CSNK1G3: variants seen among roughly 807,000 people sequenced by gnomAD.
The protein encoded by CSNK1G3 is casein kinase I isoform gamma-3.
CSNK1G3 carries 23 observed loss-of-function variants against 64.3 expected under a neutral mutation model. The ratio of observed to expected loss-of-function variants is 0.36; its 90% confidence interval spans 0.26 to 0.51. CSNK1G3 has a LOEUF of 0.51. Among genes scored for constraint, CSNK1G3 ranks in the 20% least tolerant of loss-of-function variants. CSNK1G3 has a pLI of 0.96. For synonymous variants in CSNK1G3, 158 were observed against 162.2 expected, an observed-to-expected ratio of 0.97 and a Z score of 0.20; for missense variants, 357 against 510.5, an observed-to-expected ratio of 0.70 and a Z score of 2.90.
chr5:123,515,921 C>G (rs1469111767), intron 1 of CSNK1G3, among the ~76,000 whole-genome samples: 1 of 152,070 alleles, frequency 6.6e-6, no homozygotes, highest in Non-Finnish European at 1.5e-5. Context: ...TTTTTGAGAG[C>G]AGGAAACAGT....
At chr5:123,568,927 A>C (rs1002346385) in intron 4 of CSNK1G3, among the ~76,000 whole-genome samples, 1 of 152,258 alleles carries the variant, frequency 6.6e-6, no homozygotes. Context: ...GCAAAAATAC[A>C]TAAAAAGAGA....
At chr5:123,516,862 A>G (rs1777257719) in intron 1 of CSNK1G3, among the ~76,000 whole-genome samples, 1 of 152,184 alleles carries the variant, frequency 6.6e-6, no homozygotes, top group Admixed American at 6.5e-5. Context: ...TTGAAGTTGT[A>G]TTCAAATTTA....
intron 11 of CSNK1G3, 74 bp downstream of exon 12, chr5:123,604,904 A>C: frequency 8.4e-7 from 1 of 1,186,410 alleles, no homozygotes; most frequent in Non-Finnish European, 1.2e-6. Flanking sequence ...ATAGTTACAT[A>C]CAATTATTTC....
chr5:123,528,216 A>G (rs957988541), intron 1 of CSNK1G3, among the ~76,000 whole-genome samples: 4 of 152,122 alleles, frequency 2.6e-5, no homozygotes, highest in Non-Finnish European at 5.9e-5. Context: ...TTTGTTTTGA[A>G]GAGTTGAAAT....
exon 2 of CSNK1G3, chr5:123,545,561 C>T: frequency 2.4e-6 from 2 of 822,278 alleles, no homozygotes; most frequent in Non-Finnish European, 3.7e-6. Context: ...TTAACATTAC[C>T]CATCTGGTAC....
intron 10 of CSNK1G3, 89 bp from the exon 11 acceptor site, chr5:123,594,950 C>A: frequency 2.9e-6 from 3 of 1,034,990 alleles, no homozygotes; most frequent in Non-Finnish European, 4.3e-6. Flanking sequence ...TCCTTTTATA[C>A]GTTTGTTTTA....
At chr5:123,605,807 C>T (rs1795272717) in intron 12 of CSNK1G3, among the ~76,000 whole-genome samples, 1 of 151,910 alleles carries the variant, frequency 6.6e-6, no homozygotes, top group Non-Finnish European at 1.5e-5. Flanking sequence ...TTATCATTGC[C>T]CTTGAGTACA....
intron 4 of CSNK1G3, among the ~76,000 whole-genome samples, chr5:123,572,240 G>A (rs1199440774): frequency 6.6e-6 from 1 of 152,032 alleles, no homozygotes; most frequent in Non-Finnish European, 1.5e-5. Flanking sequence ...CTGTTTGTCA[G>A]GGTTTTAATA....
At chr5:123,573,349 T>A in intron 4 of CSNK1G3, 44 bp from the exon 5 acceptor site, 1 of 1,585,462 alleles carries the variant, frequency 6.3e-7, no homozygotes, top group Non-Finnish European at 8.7e-7. Context: ...AACCTTAGTA[T>A]TTAAGATGAT....
At chr5:123,525,950 A>G (rs994267183) in intron 1 of CSNK1G3, among the ~76,000 whole-genome samples, 5 of 150,880 alleles carry the variant, frequency 3.3e-5, no homozygotes, top group African/African-American at 4.9e-5. Context: ...GTGAGCCAAG[A>G]TCGCACCACT....
At chr5:123,556,937 A>T (rs767761730) in intron 3 of CSNK1G3, among the ~76,000 whole-genome samples, 1 of 152,136 alleles carries the variant, frequency 6.6e-6, no homozygotes, top group Non-Finnish European at 1.5e-5. Context: ...AAAAGGTATG[A>T]TGGAAATGTT....
intron 1 of CSNK1G3, among the ~76,000 whole-genome samples, chr5:123,526,928 T>C (rs143947555): frequency 7.2e-5 from 11 of 151,810 alleles, no homozygotes; most frequent in Admixed American, 7.2e-4. Flanking sequence ...AAGTTGGGAT[T>C]GTTGGGTCAT....
At chr5:123,547,362 A>G (rs1782717981) in intron 2 of CSNK1G3, among the ~76,000 whole-genome samples, 1 of 152,164 alleles carries the variant, frequency 6.6e-6, no homozygotes, top group Non-Finnish European at 1.5e-5. Flanking sequence ...TTATTTCAAA[A>G]TAACTACACA....
intron 1 of CSNK1G3, among the ~76,000 whole-genome samples, chr5:123,522,417 C>T (rs1298293853): frequency 6.6e-6 from 1 of 151,574 alleles, no homozygotes; most frequent in Non-Finnish European, 1.5e-5. Flanking sequence ...GCAGGAGAAT[C>T]GCTTGAACCT....
At chr5:123,604,577 A>G (rs906232716) in intron 10 of CSNK1G3, 147 bp from the exon 12 acceptor site, 15 of 477,506 alleles carry the variant, frequency 3.1e-5, no homozygotes, top group African/African-American at 1.2e-4. Context: ...GAACAGCTAC[A>G]TATTGTTTTG....
intron 1 of CSNK1G3, among the ~76,000 whole-genome samples, chr5:123,526,842 G>T (rs1204215738): frequency 1.2e-5 from 1 of 85,620 alleles, no homozygotes; most frequent in Non-Finnish European, 2.2e-5. Flanking sequence ...TGTACAGATT[G>T]TGTGTGTGTG....
chr5:123,589,355 A>T (rs935334301), intron 8 of CSNK1G3, among the ~76,000 whole-genome samples: 3 of 152,262 alleles, frequency 2.0e-5, no homozygotes, highest in South Asian at 2.1e-4. Context: ...TAGATTTTTT[A>T]AAATGTCGGT....
intron 1 of CSNK1G3, among the ~76,000 whole-genome samples, chr5:123,524,896 T>C (rs1196299059): frequency 6.6e-6 from 1 of 152,130 alleles, no homozygotes; most frequent in African/African-American, 2.4e-5. Context: ...GCACTGGTGT[T>C]ATATGCTTTT....
chr5:123,539,466 GT>G (rs1394377980), intron 1 of CSNK1G3, among the ~76,000 whole-genome samples: 9 of 150,388 alleles, frequency 6.0e-5, no homozygotes, highest in African/African-American at 2.0e-4. Context: ...GATTATCCCT[GT>G]GGGTTTTCTT....
Sources: allele counts gnomAD v4.1 joint callset (sites outside exome capture counted in the v4.1 genomes callset), GRCh38; gene constraint gnomAD v4.1.1; transcripts MANE v1.5; gene names NCBI Gene and HGNC (gene_info 2026-07-23, HGNC 2026-07-21).